The following CDH12 variants were observed in gnomAD, a reference collection of about 807,000 sequenced individuals.
CDH12 encodes the protein cadherin 12, also known as cadherin-12.
CDH12 carries 41 observed loss-of-function variants against 74.1 expected under a neutral mutation model. The observed-to-expected ratio is 0.55, with a 90% CI of 0.43 to 0.72. CDH12 has a LOEUF of 0.72. Ranked by LOEUF, CDH12 falls within the 30% of genes least tolerant of loss-of-function variation. The probability of loss-of-function intolerance (pLI) is 0.00; values close to 1 mark genes in which losing one functional copy is unlikely to be tolerated. For synonymous variants in CDH12, 399 were observed against 355.0 expected (o/e 1.12, Z -1.39); for missense variants, 945 against 977.2 (o/e 0.97, Z 0.44).
At chr5:21,804,259 A>T (rs1013851865) in intron 9 of CDH12, among the ~76,000 whole-genome samples, 7 of 152,186 alleles carry the variant, frequency 4.6e-5, no homozygotes, top group Non-Finnish European at 8.8e-5. Context: ...ATGGTTGATA[A>T]TGTGGCCTTT....
intron 7 of CDH12, among the ~76,000 whole-genome samples, chr5:21,843,925 C>T (rs9292995): frequency 0.44 from 66,887 of 151,864 alleles, 18,271 homozygotes; most frequent in African/African-American, 0.78. Flanking sequence ...TGTTGTTGAC[C>T]GAGTCTATCT....
intron 3 of CDH12, among the ~76,000 whole-genome samples, chr5:22,301,990 T>C (rs6871696): frequency 0.084 from 12,240 of 145,486 alleles, 577 homozygotes; most frequent in South Asian, 0.17. Context: ...TAAAAACATA[T>C]AGGTACATAT....
At chr5:21,776,079 ACTTTCAT>A (rs1745570087) in intron 11 of CDH12, among the ~76,000 whole-genome samples, 1 of 152,174 alleles carries the variant, frequency 6.6e-6, no homozygotes, top group Admixed American at 6.6e-5. Context: ...TAAAAAGCTG[ACTTTCAT>A]CTTGCTGGCA....
chr5:22,480,102 C>T (rs79674910), intron 2 of CDH12, among the ~76,000 whole-genome samples: 3 of 152,072 alleles, frequency 2.0e-5, no homozygotes, highest in Non-Finnish European at 4.4e-5. Flanking sequence ...AGAATTTTCT[C>T]ATATTTTTGT....
intron 2 of CDH12, among the ~76,000 whole-genome samples, chr5:22,430,051 A>G (rs534033019): frequency 6.6e-5 from 10 of 152,202 alleles, no homozygotes; most frequent in Admixed American, 3.3e-4. Flanking sequence ...GATCAAGACT[A>G]TTTTTCCATT....
At chr5:22,557,172 T>C (rs993376657) in intron 1 of CDH12, among the ~76,000 whole-genome samples, 4 of 152,256 alleles carry the variant, frequency 2.6e-5, no homozygotes, top group Middle Eastern at 6.8e-3. Flanking sequence ...ATGTAACATA[T>C]ATTCATATAA....
At chr5:22,526,419 G>A (rs1468874417) in intron 1 of CDH12, among the ~76,000 whole-genome samples, 1 of 152,138 alleles carries the variant, frequency 6.6e-6, no homozygotes, top group Non-Finnish European at 1.5e-5. Flanking sequence ...TCCTGAAACA[G>A]GACAATGAAG....
At chr5:22,442,392 C>T (rs1040189848) in intron 2 of CDH12, among the ~76,000 whole-genome samples, 6 of 152,090 alleles carry the variant, frequency 3.9e-5, no homozygotes, top group Non-Finnish European at 5.9e-5. Context: ...GTAGTCCCAG[C>T]TACTCAAGTG....
chr5:22,484,275 G>T (rs534323873), intron 2 of CDH12, among the ~76,000 whole-genome samples: 3 of 152,220 alleles, frequency 2.0e-5, no homozygotes, highest in African/African-American at 7.2e-5. Flanking sequence ...CCAGTGGCTT[G>T]CTTGAAAGTG....
At chr5:22,771,644 C>G (rs996594832) in intron 1 of CDH12, among the ~76,000 whole-genome samples, 1 of 151,942 alleles carries the variant, frequency 6.6e-6, no homozygotes, top group Non-Finnish European at 1.5e-5. Context: ...CAATTTGTAA[C>G]AGAAGTAACA....
At chr5:21,837,609 A>G (rs528041701) in intron 8 of CDH12, among the ~76,000 whole-genome samples, 4 of 152,172 alleles carry the variant, frequency 2.6e-5, no homozygotes, top group Admixed American at 6.5e-5. Flanking sequence ...TTGTAATTCT[A>G]TATCACACTT....
At chr5:22,347,621 A>C (rs1001967609) in intron 3 of CDH12, among the ~76,000 whole-genome samples, 1 of 152,144 alleles carries the variant, frequency 6.6e-6, no homozygotes, top group Non-Finnish European at 1.5e-5. Context: ...TCATGTATAC[A>C]TCTATCCTTT....
chr5:22,453,427 G>A (rs1745133284), intron 2 of CDH12, among the ~76,000 whole-genome samples: 1 of 152,090 alleles, frequency 6.6e-6, no homozygotes, highest in Non-Finnish European at 1.5e-5. Context: ...AAATTCTATT[G>A]TTTGTGTCAA....
At chr5:21,978,218 T>G (rs551225613) in intron 5 of CDH12, among the ~76,000 whole-genome samples, 2 of 152,270 alleles carry the variant, frequency 1.3e-5, no homozygotes, top group East Asian at 3.9e-4. Context: ...CTCGGCTCAC[T>G]GCAACCTCCA....
intron 2 of CDH12, among the ~76,000 whole-genome samples, chr5:22,433,774 C>T (rs1213132435): frequency 6.6e-6 from 1 of 152,174 alleles, no homozygotes; most frequent in African/African-American, 2.4e-5. Context: ...AAGCTGGCTG[C>T]AGTGTGAATG....
intron 1 of CDH12, among the ~76,000 whole-genome samples, chr5:22,604,839 G>T (rs761789039): frequency 2.2e-4 from 33 of 152,148 alleles, no homozygotes; most frequent in Non-Finnish European, 4.0e-4. Context: ...AGATATGCCA[G>T]CAATGAAAAC....
intron 3 of CDH12, among the ~76,000 whole-genome samples, chr5:22,260,169 C>T (rs1436106060): frequency 6.6e-6 from 1 of 152,034 alleles, no homozygotes; most frequent in Non-Finnish European, 1.5e-5. Context: ...TGCTAATTTA[C>T]TGTTTGAAAT....
chr5:22,492,189 C>G (rs1012526699), intron 2 of CDH12, among the ~76,000 whole-genome samples: 2 of 151,982 alleles, frequency 1.3e-5, no homozygotes, highest in Non-Finnish European at 2.9e-5. Context: ...TCCTTCTCAC[C>G]TCCAGAATTC....
intron 3 of CDH12, among the ~76,000 whole-genome samples, chr5:22,238,788 C>A (rs1752646563): frequency 6.6e-6 from 1 of 152,182 alleles, no homozygotes; most frequent in African/African-American, 2.4e-5. Context: ...CTTACATTTT[C>A]ATTTAATCAC....
Sources: gnomAD v4.1 joint callset for allele counts (sites outside exome capture counted in the v4.1 genomes callset) on GRCh38, gnomAD v4.1.1 for gene constraint, MANE v1.5 for transcripts, NCBI Gene and HGNC (gene_info 2026-07-23, HGNC 2026-07-21) for gene names.